Variants in SPINT1 observed in about 807,000 individuals in gnomAD.
SPINT1 encodes the protein serine peptidase inhibitor, Kunitz type 1.
In SPINT1, 38 loss-of-function variants were observed where a neutral mutation model predicts 53.7. The observed-to-expected ratio is 0.71, with a 90% CI of 0.55 to 0.93. SPINT1 has a LOEUF of 0.93. Among genes scored for constraint, SPINT1 ranks in the 40% least tolerant of loss-of-function variants. SPINT1 has a pLI of 0.00. For synonymous variants in SPINT1, 283 were observed against 280.6 expected (o/e 1.01, Z -0.08); for missense variants, 645 against 692.9 (o/e 0.93, Z 0.78).
At chr15:40,849,098 T>C (rs1284718262) in intron 2 of SPINT1, among the ~76,000 whole-genome samples, 3 of 151,948 alleles carry the variant, frequency 2.0e-5, no homozygotes, top group Non-Finnish European at 1.5e-5. Context: ...TACAAAAAAT[T>C]AGCCGGGTGT....
chr15:40,853,844 G>A lies in SPINT1; in HGVS notation c.876G>A (p.Arg292=), dbSNP rs1891541207. Residue 292 remains arginine, a synonymous_variant, in exon 5 of 11, where the codon CGG becomes CGA. Coordinates refer to ENST00000562057, the MANE Select transcript of SPINT1 (RefSeq NM_003710.4). ...GCLGNKNNYL[R]EEECILACRG... ...TGGGCAACAAGAACAACTACCTTCG[G>A]GAAGAAGAGTGCATTCTAGCCTGTC... The A allele has an allele frequency of 6.2e-7, 1 of 1,614,218 alleles. No individual in the cohort carries two copies. The highest frequency in any genetic ancestry group is 1.1e-5 in the South Asian group (1 of 91,088).
At position 40,844,947 on chromosome 15, in the gene SPINT1, C is replaced by T; in HGVS notation, c.393C>T (p.Phe131=). 1.2e-6 allele frequency: 2 copies of T among 1,613,990 alleles called. No individual in the cohort carries two copies. Among genetic ancestry groups the T allele is most frequent in the Non-Finnish European group, 1.7e-6 (2 of 1,180,044 alleles). The change falls in exon 2 of 11, where the codon TTC becomes TTT. Residue 131 remains phenylalanine, a synonymous_variant. Coordinates refer to ENST00000562057, the MANE Select transcript of SPINT1 (RefSeq NM_003710.4). The surrounding 1 kb of genome is among the most constrained non-coding windows in gnomAD (Gnocchi z 5.8). The stretch of plus-strand genomic sequence containing the variant: ...ACGAGCAGAACTTCGTGTGCAAGTT[C>T]GCGCCCAGGGAGGGCTTCATCAACT... ...CLYEQNFVCK[F]APREGFINYL... is the part of the protein sequence containing the mutation.
In SPINT1 at chr15:40,855,924, T is replaced by C. The variant is rs1891621734; in HGVS notation, c.1150T>C (p.Cys384Arg). 1 of 1,614,204 alleles carries C rather than the reference T, an allele frequency of 6.2e-7. No homozygotes were observed. The highest frequency in any genetic ancestry group is 8.5e-7 in the Non-Finnish European group (1 of 1,180,020). ...HCVDLPDTGL[C>R]KESIPRWYYN... ...CGTGGACCTGCCAGACACAGGACTCTGCAAGGAGAGCATCCCGCGCTGGTA... is the reference window on the plus strand; with the variant it reads ...CGTGGACCTGCCAGACACAGGACTCCGCAAGGAGAGCATCCCGCGCTGGTA... The change falls in exon 9 of 11, where the codon TGC (cysteine) becomes CGC (arginine). Residue 384 changes from cysteine (C) to arginine (R), a missense_variant. Cys to Arg is a radical substitution (Grantham distance 180). Transcript: ENST00000562057.
Position 40,844,191 on chromosome 15 carries a change from C to T in SPINT1, c.-66+5C>T. On this transcript the variant is annotated splice_donor_5th_base_variant and intron_variant, in intron 1 of 10. Transcript: ENST00000562057. This position sits in a 1 kb window ranked among gnomAD's most constrained non-coding sequence, Gnocchi z 5.8. ...CCACCCAACTCACCTGCGCAGGTAA[C>T]CCGGGCCCCCGCGCGCAAGGCCGAG... 1 of 400,316 alleles carries T rather than the reference C, an allele frequency of 2.5e-6. No homozygotes were observed. Among genetic ancestry groups the T allele is most frequent in the African/African-American group, 2.2e-5 (1 of 45,580 alleles). 24.8% of individuals were successfully genotyped at this position (400,316 alleles called of 1,614,324 possible).
chr15:40,855,520 C>T (rs28454328), intron 8 of SPINT1, among the ~76,000 whole-genome samples: 8,731 of 152,176 alleles, frequency 0.057, 847 homozygotes, highest in African/African-American at 0.2. Context: ...ACTAGGGAGG[C>T]TGAGGTGGGA....
intron 2 of SPINT1, among the ~76,000 whole-genome samples, chr15:40,852,874 T>TAA (rs368479599): frequency 3.6e-5 from 4 of 111,690 alleles, no homozygotes; most frequent in Non-Finnish European, 7.8e-5. Flanking sequence ...CCATCTCTAA[T>TAA]AAAAAAAAAA....
At chr15:40,849,563 A>G (rs1199694662) in intron 2 of SPINT1, among the ~76,000 whole-genome samples, 2 of 152,170 alleles carry the variant, frequency 1.3e-5, no homozygotes, top group Non-Finnish European at 2.9e-5. Flanking sequence ...TTTATGTCAT[A>G]TATGTATTAC....
At chr15:40,854,274 A>C (rs1229982416) in intron 6 of SPINT1, 123 bp from the exon 7 acceptor site, 2 of 1,447,594 alleles carry the variant, frequency 1.4e-6, no homozygotes, top group Admixed American at 4.7e-5. Flanking sequence ...TGCGTGGGGC[A>C]GGAGTGGGGT....
At chr15:40,852,943 C>G (rs1004735192) in intron 2 of SPINT1, among the ~76,000 whole-genome samples, 181 bp from the exon 3 acceptor site, 2 of 152,064 alleles carry the variant, frequency 1.3e-5, no homozygotes, top group African/African-American at 4.8e-5. Flanking sequence ...AAAACATGCT[C>G]TCTCTGAATA....
At chr15:40,852,448 T>C (rs1293366749) in intron 2 of SPINT1, among the ~76,000 whole-genome samples, 1 of 152,184 alleles carries the variant, frequency 6.6e-6, no homozygotes, top group African/African-American at 2.4e-5. Flanking sequence ...GCAGCGATCC[T>C]GCACTGTGCT....
intron 10 of SPINT1, among the ~76,000 whole-genome samples, 164 bp from the exon 11 acceptor site, chr15:40,856,606 C>T (rs1236076803): frequency 6.6e-6 from 1 of 152,156 alleles, no homozygotes; most frequent in East Asian, 1.9e-4. Flanking sequence ...CTCTGAGCTC[C>T]TGGACAGAGC....
In SPINT1 at chr15:40,844,488, A is replaced by C. The variant is rs1348819259; in HGVS notation, c.-65-2A>C. ...CTCCTCTGTCCCCTCCCTTCTTCTC[A>C]GGTCACCAGCACCCTCGGAACCCAG... On this transcript the variant is annotated splice_acceptor_variant, in intron 1 of 10. Coordinates refer to ENST00000562057, the MANE Select transcript of SPINT1 (RefSeq NM_003710.4). LOFTEE classifies it low-confidence loss of function (5UTR_SPLICE). This position sits in a 1 kb window ranked among gnomAD's most constrained non-coding sequence, Gnocchi z 5.8. 1 of 1,483,802 alleles carries C rather than the reference A, an allele frequency of 6.7e-7. No individual in the cohort carries two copies. The highest frequency in any genetic ancestry group is 9.4e-7 in the Non-Finnish European group (1 of 1,066,154). 91.9% of individuals were successfully genotyped at this position (1,483,802 alleles called of 1,614,324 possible).
intron 9 of SPINT1, 84 bp from the exon 10 acceptor site, chr15:40,856,192 C>G (rs1891636011): frequency 6.3e-7 from 1 of 1,594,908 alleles, no homozygotes; most frequent in Non-Finnish European, 8.6e-7. Flanking sequence ...GGAGAGGATG[C>G]CAGTGTGAGG....
In SPINT1 at chr15:40,844,710, C is replaced by T. The variant is rs768721508; in HGVS notation, c.156C>T (p.Asn52=). ...PGLPAGADCL[N]SFTAGVPGFV... ...TGCCCGCGGGAGCCGACTGCCTGAA[C>T]AGCTTTACCGCCGGGGTGCCTGGCT... The change falls in exon 2 of 11, where the codon AAC becomes AAT. Residue 52 remains asparagine (N), a synonymous_variant. Coordinates refer to ENST00000562057, the MANE Select transcript of SPINT1 (RefSeq NM_003710.4). The surrounding 1 kb of genome is among the most constrained non-coding windows in gnomAD (Gnocchi z 5.8). The T allele has an allele frequency of 6.2e-7, 1 of 1,608,854 alleles. No homozygotes were observed. Among genetic ancestry groups the T allele is most frequent in the Admixed American group, 1.7e-5 (1 of 59,528 alleles).
chr15:40,857,253 C>T lies in SPINT1; in HGVS notation c.*278C>T. ...GGAGGAAGTTGGAGTTTTGTTTCCT[C>T]TGTTCAAAGCTGCCTGTCCCTACCC... On this transcript the variant is annotated 3_prime_UTR_variant, in exon 11 of 11. Transcript: ENST00000562057. 3 of 499,790 alleles carry T rather than the reference C, an allele frequency of 6.0e-6. No individual in the cohort carries two copies. The highest frequency in any genetic ancestry group is 3.5e-5 in the East Asian group (1 of 28,310). The allele number at this position is 499,790 out of a possible 1,614,324, so 31.0% of individuals were successfully genotyped here. A position where few individuals can be genotyped will look rare whatever the true frequency, so the allele number is the denominator to read the frequency against.
Position 40,844,170 on chromosome 15 carries a change from C to G in SPINT1, c.-82C>G, listed in dbSNP as rs1225351717. 4.7e-6 allele frequency: 2 copies of G among 428,602 alleles called. No individual in the cohort carries two copies. Among genetic ancestry groups the G allele is most frequent in the Non-Finnish European group, 9.0e-6 (2 of 221,510 alleles). The allele number at this position is 428,602 out of a possible 1,614,324, so 26.5% of individuals were successfully genotyped here. On this transcript the variant is annotated 5_prime_UTR_variant, in exon 1 of 11. Coordinates refer to ENST00000562057, the MANE Select transcript of SPINT1 (RefSeq NM_003710.4). This position sits in a 1 kb window ranked among gnomAD's most constrained non-coding sequence, Gnocchi z 5.8. ...GGAACCTCGGCGGACCCGGCCCCAC[C>G]CAACTCACCTGCGCAGGTAACCCGG...
Position 40,844,423 on chromosome 15 carries a change from C to T in SPINT1, c.-65-67C>T, listed in dbSNP as rs1054639864. The T allele has an allele frequency of 8.2e-6, 8 of 974,392 alleles. No homozygotes were observed. The highest frequency in any genetic ancestry group is 3.1e-4 in the Middle Eastern group (1 of 3,216). 60.4% of individuals were successfully genotyped at this position (974,392 alleles called of 1,614,324 possible). ...CCCCGCCACTTCCTCCCGGCCGGCC[C>T]GCCTCCTCCAAAGTCTCCCGGGCTG... On this transcript the variant is annotated intron_variant, in intron 1 of 10. Transcript: ENST00000562057. This position sits in a 1 kb window ranked among gnomAD's most constrained non-coding sequence, Gnocchi z 5.8.
At chr15:40,847,454 CCTT>C (rs1440977309) in intron 2 of SPINT1, among the ~76,000 whole-genome samples, 2 of 152,200 alleles carry the variant, frequency 1.3e-5, no homozygotes, top group Non-Finnish European at 2.9e-5. Context: ...GTTTGTTCCT[CCTT>C]CTGCCTGTGG....
chr15:40,854,162 C>G (rs555854410), intron 6 of SPINT1, 76 bp downstream of exon 6: 7 of 1,476,364 alleles, frequency 4.7e-6, no homozygotes, highest in Non-Finnish European at 6.4e-6. Context: ...CCCTAAGCAG[C>G]CTGCCTTTGA....
Sources: gnomAD v4.1 joint callset for allele counts (sites outside exome capture counted in the v4.1 genomes callset) on GRCh38, gnomAD v4.1.1 for gene constraint, Gnocchi (gnomAD v3.1) non-coding constraint, MANE v1.5 for transcripts, NCBI Gene and HGNC (gene_info 2026-07-23, HGNC 2026-07-21) for gene names.